Variants in INTS6 observed in about 807,000 individuals in gnomAD.
The protein encoded by INTS6 is integrator complex subunit 6, also known as DEAD box protein.
A neutral mutation model predicts 104.9 loss-of-function variants in INTS6; 16 were observed. The observed-to-expected ratio is 0.15, with a 90% CI of 0.10 to 0.23. The LOEUF (loss-of-function observed/expected upper bound fraction) is 0.23, where lower values mean the gene tolerates loss of function less well. Among genes scored for constraint, INTS6 ranks in the 10% least tolerant of loss-of-function variants. The probability of loss-of-function intolerance (pLI) is 1.00; values close to 1 mark genes in which losing one functional copy is unlikely to be tolerated. For synonymous variants in INTS6, 324 were observed against 358.7 expected (o/e 0.90, Z 1.09); for missense variants, 584 against 1,062.8 (o/e 0.55, Z 6.26).
intron 3 of INTS6, among the ~76,000 whole-genome samples, chr13:51,431,662 T>C (rs1227639589): frequency 6.6e-6 from 1 of 152,178 alleles, no homozygotes; most frequent in African/African-American, 2.4e-5. Context: ...GGACATGTAA[T>C]AGATCGTCTT....
At chr13:51,433,944 T>C (rs1220142643) in intron 3 of INTS6, among the ~76,000 whole-genome samples, 1 of 152,222 alleles carries the variant, frequency 6.6e-6, no homozygotes, top group Non-Finnish European at 1.5e-5. Flanking sequence ...GGAGATTAAA[T>C]GATATAACTC....
At chr13:51,337,549 C>CTG in the INTS6 span, among the ~76,000 whole-genome samples, 6 of 152,172 alleles carry the variant, frequency 3.9e-5, no homozygotes, top group African/African-American at 1.4e-4. Context: ...CCCTTGGCTC[C>CTG]TGACAGCACC....
the INTS6 span, chr13:51,348,539 C>A: frequency 1.4e-6 from 1 of 706,164 alleles, no homozygotes; most frequent in Non-Finnish European, 2.3e-6. Flanking sequence ...ATATGTATCC[C>A]CAGAAGTTAG....
In INTS6 at chr13:51,406,899, A is replaced by ATT. The variant is rs562144778; in HGVS notation, c.430-11418_430-11417dup. 8.5e-3 allele frequency among the ~76,000 whole-genome samples: 1,157 copies of ATT among 135,850 alleles called. 16 individuals are homozygous for ATT. The highest frequency in any genetic ancestry group is 0.029 in the African/African-American group (1,059 of 36,886). The allele number at this position is 135,850 out of a possible 152,430, so 89.1% of individuals were successfully genotyped here. A position where few individuals can be genotyped will look rare whatever the true frequency, so the allele number is the denominator to read the frequency against. On this transcript the variant is annotated intron_variant, in intron 4 of 17. Transcript: ENST00000311234. ...TAAAACATTATGAGATTTTTTTGTGATTTTTTTTTTTTTTTTAGCTCATCA... is the reference window on the plus strand; with the variant it reads ...TAAAACATTATGAGATTTTTTTGTGATTTTTTTTTTTTTTTTTTAGCTCATCA...
intron 3 of INTS6, chr13:51,440,805 G>C (rs989581749): frequency 6.6e-6 from 1 of 152,096 alleles, no homozygotes. Flanking sequence ...GTTTCTGTAG[G>C]TATACTCTAT....
At chr13:51,353,595 G>A (rs1016879890), downstream of INTS6, among the ~76,000 whole-genome samples, 10 of 152,172 alleles carry the variant, frequency 6.6e-5, no homozygotes, top group African/African-American at 1.4e-4. Flanking sequence ...CAAAAAGGAT[G>A]TGTTTTCAGT....
intron 6 of INTS6, among the ~76,000 whole-genome samples, chr13:51,388,048 C>T (rs983048216): frequency 2.0e-5 from 3 of 152,168 alleles, no homozygotes; most frequent in Non-Finnish European, 4.4e-5. Flanking sequence ...AAAGCACCTA[C>T]CTTTAATCTA....
intron 3 of INTS6, chr13:51,439,048 A>G (rs1952745235): frequency 6.6e-6 from 1 of 152,222 alleles, no homozygotes. Flanking sequence ...GTACCTAACA[A>G]GGTTCACTCG....
chr13:51,346,947 C>T, the INTS6 span: 4 of 1,089,698 alleles, frequency 3.7e-6, no homozygotes, highest in African/African-American at 1.6e-5. Context: ...CTCTGCACTC[C>T]TTGTCCGCAC....
intron 12 of INTS6, among the ~76,000 whole-genome samples, chr13:51,376,660 C>T (rs1004286430): frequency 1.3e-5 from 2 of 152,140 alleles, no homozygotes; most frequent in African/African-American, 4.8e-5. Flanking sequence ...CCCCAGGCAA[C>T]CACGTGACTT....
At position 51,374,263 on chromosome 13, in the gene INTS6, A is replaced by C. The variant is rs749270895; in HGVS notation, c.2049T>G (p.Pro683=). ...CTGGCTGTGCTTGAGTTGTAGGTGC[A>C]GGTGGTCCTTTTCCCCCAATATGAT... ...VNNHIGGKGP[P]APTTQAQPDL... The change falls in exon 15 of 18, where the codon CCT becomes CCG. Residue 683 remains proline (P), a synonymous_variant. Transcript: ENST00000311234. 6.2e-7 allele frequency: 1 copy of C among 1,614,114 alleles called. No individual in the cohort carries two copies. The highest frequency in any genetic ancestry group is 1.1e-5 in the South Asian group (1 of 91,072).
chr13:51,429,281 T>C (rs1957040058), intron 4 of INTS6, among the ~76,000 whole-genome samples: 1 of 152,168 alleles, frequency 6.6e-6, no homozygotes, highest in Admixed American at 6.5e-5. Context: ...GGAATTAAGA[T>C]ACTAAAGCAA....
At chr13:51,353,735 T>C (rs1235075629), downstream of INTS6, among the ~76,000 whole-genome samples, 1 of 152,246 alleles carries the variant, frequency 6.6e-6, no homozygotes, top group Non-Finnish European at 1.5e-5. Context: ...GAAAGTATGA[T>C]ACTTTTGTTT....
chr13:51,410,762 G>A (rs905346194), intron 4 of INTS6, among the ~76,000 whole-genome samples: 5 of 152,096 alleles, frequency 3.3e-5, no homozygotes, highest in South Asian at 2.1e-4. Context: ...AAGACTGGGA[G>A]AAAGTATTTG....
chr13:51,411,254 T>TAAGC (rs1382544601), intron 4 of INTS6, among the ~76,000 whole-genome samples: 58 of 148,918 alleles, frequency 3.9e-4, no homozygotes, highest in Admixed American at 1.3e-3. Context: ...AATAAATAAA[T>TAAGC]AAGCAAGCAA....
At chr13:51,370,397 GGCCAATCTCCAGGGTACAAGCCTGTAA>G (rs1054355496) in intron 15 of INTS6, among the ~76,000 whole-genome samples, 5 of 152,036 alleles carry the variant, frequency 3.3e-5, no homozygotes, top group Non-Finnish European at 7.4e-5. Context: ...CACTATCTTA[GGCCAATCTCCAGGGTACAAGCCTGTAA>G]GCCACTGTTG....
At chr13:51,388,418 A>C (rs1411143224) in intron 6 of INTS6, among the ~76,000 whole-genome samples, 1 of 148,132 alleles carries the variant, frequency 6.8e-6, no homozygotes, top group East Asian at 2.0e-4. Flanking sequence ...TTTGAGATGG[A>C]GTTTCACTCT....
Position 51,383,703 on chromosome 13 carries a change from A to G in INTS6, c.933T>C (p.Cys311=), listed in dbSNP as rs1200930532. Residue 311 remains cysteine, a synonymous_variant, in exon 8 of 18, where the codon TGT becomes TGC. Transcript: ENST00000311234. ...CAATAACCATTGGTTCACAGTCTGT[A>G]CAGGAAAACTTCACTACAGGATGAG... ...RTSHPVVKFS[C]TDCEPMVIDK... The G allele has an allele frequency of 1.2e-6, 2 of 1,613,858 alleles. No homozygotes were observed. The highest frequency in any genetic ancestry group is 2.2e-5 in the South Asian group (2 of 91,054).
intron 6 of INTS6, among the ~76,000 whole-genome samples, chr13:51,388,544 C>T (rs906750021): frequency 2.0e-5 from 3 of 152,112 alleles, no homozygotes; most frequent in Admixed American, 2.0e-4. Context: ...TAGGCATGCG[C>T]CACCACGCCT....
Sources: gnomAD v4.1 joint callset for allele counts (sites outside exome capture counted in the v4.1 genomes callset) on GRCh38, gnomAD v4.1.1 for gene constraint, MANE v1.5 for transcripts, NCBI Gene and HGNC (gene_info 2026-07-23, HGNC 2026-07-21) for gene names.